The following CLTC variants were observed in gnomAD, a reference collection of about 807,000 sequenced individuals.
CLTC encodes clathrin heavy chain 1.
CLTC carries 16 observed loss-of-function variants against 195.8 expected under a neutral mutation model. That is an observed-to-expected ratio of 0.08 (90% CI 0.06 to 0.12). The LOEUF (loss-of-function observed/expected upper bound fraction) is 0.12, where lower values mean the gene tolerates loss of function less well. Among genes scored for constraint, CLTC ranks in the 10% least tolerant of loss-of-function variants. The pLI is 1.00. For synonymous variants in CLTC, 667 were observed against 689.4 expected (o/e 0.97, Z 0.51); for missense variants, 796 against 2,027.0 (o/e 0.39, Z 11.66).
At chr17:59,625,600 G>C (rs2031525936) in intron 1 of CLTC, among the ~76,000 whole-genome samples, 2 of 152,050 alleles carry the variant, frequency 1.3e-5, no homozygotes. Flanking sequence ...CATTGTTTGA[G>C]CCCAGGAATT....
intron 13 of CLTC, 32 bp from the exon 14 acceptor site, chr17:59,668,745 T>C (rs1312324963): frequency 1.3e-6 from 2 of 1,547,832 alleles, no homozygotes; most frequent in Admixed American, 4.1e-5. Flanking sequence ...AAAGTGTGCC[T>C]ATGCTTAATT....
Sources: allele counts gnomAD v4.1 joint callset (sites outside exome capture counted in the v4.1 genomes callset), GRCh38; gene constraint gnomAD v4.1.1; transcripts MANE v1.5; gene names NCBI Gene and HGNC (gene_info 2026-07-23, HGNC 2026-07-21).